Variants in PLD5 observed in about 807,000 individuals in gnomAD.
PLD5 encodes the protein inactive phospholipase D5.
In PLD5, 36 loss-of-function variants were observed where a neutral mutation model predicts 61.1. The ratio of observed to expected loss-of-function variants is 0.59; its 90% CI spans 0.45 to 0.78. The LOEUF is 0.78. Among genes scored for constraint, PLD5 ranks in the 30% least tolerant of loss-of-function variants. The probability of loss-of-function intolerance (pLI) is 0.00; values close to 1 mark genes in which losing one functional copy is unlikely to be tolerated. For missense variants in PLD5, 515 were observed against 644.4 expected, an observed-to-expected ratio of 0.80 and a Z score of 2.17; for synonymous variants, 243 against 242.8, an observed-to-expected ratio of 1.00 and a Z score of -0.01.
chr1:242,502,617 A>G (rs1192195937), intron 1 of PLD5, among the ~76,000 whole-genome samples: 1 of 152,122 alleles, frequency 6.6e-6, no homozygotes, highest in Non-Finnish European at 1.5e-5. Flanking sequence ...ATTACATAAT[A>G]TTTACATGTT....
intron 1 of PLD5, among the ~76,000 whole-genome samples, chr1:242,403,981 T>C (rs1004769784): frequency 4.6e-5 from 7 of 152,172 alleles, no homozygotes; most frequent in Admixed American, 2.0e-4. Flanking sequence ...TCACTTGGCT[T>C]CGGAAAAAAT....
intron 3 of PLD5, among the ~76,000 whole-genome samples, chr1:242,281,805 C>G (rs1674734970): frequency 6.6e-6 from 1 of 152,142 alleles, no homozygotes. Context: ...AGCTGCTTCT[C>G]AACGGGTGTG....
intron 5 of PLD5, among the ~76,000 whole-genome samples, chr1:242,208,033 T>C (rs557932922): frequency 2.6e-4 from 33 of 125,066 alleles, no homozygotes; most frequent in African/African-American, 9.0e-4. Context: ...CATACATATA[T>C]GTATTTGAGA....
intron 4 of PLD5, among the ~76,000 whole-genome samples, chr1:242,231,645 C>T (rs564794592): frequency 1.3e-5 from 2 of 152,140 alleles, no homozygotes; most frequent in African/African-American, 4.8e-5. Context: ...AAGAATTCTT[C>T]GGGACATTTA....
chr1:242,251,654 G>C (rs568198277), intron 4 of PLD5, among the ~76,000 whole-genome samples: 3 of 152,266 alleles, frequency 2.0e-5, no homozygotes, highest in African/African-American at 7.2e-5. Flanking sequence ...GGGAACACCT[G>C]CCAGAGGGGA....
chr1:242,466,534 C>T lies in PLD5; in HGVS notation c.189+57554G>A, dbSNP rs570674889. ...TTGCAACAACATGGATGAACCTGTACGACATTAAGCTAAGTGAAAGAAGCC... is the reference window on the plus strand; with the variant it reads ...TTGCAACAACATGGATGAACCTGTATGACATTAAGCTAAGTGAAAGAAGCC... On this transcript the variant is annotated intron_variant, in intron 1 of 9. Transcript: ENST00000536534. Among the ~76,000 whole-genome samples, 8 of 152,160 alleles carry T rather than the reference C, an allele frequency of 5.3e-5. No homozygotes were observed. In the South Asian group the frequency reaches 6.2e-4, roughly 12 times the overall value.
intron 1 of PLD5, among the ~76,000 whole-genome samples, chr1:242,442,421 G>A (rs889914723): frequency 3.9e-5 from 6 of 152,064 alleles, no homozygotes; most frequent in East Asian, 1.9e-4. Flanking sequence ...TATCCATGGC[G>A]GCACTGTTAC....
intron 2 of PLD5, among the ~76,000 whole-genome samples, chr1:242,317,960 A>G (rs2149182442): frequency 6.6e-6 from 1 of 152,164 alleles, no homozygotes; most frequent in East Asian, 1.9e-4. Flanking sequence ...TGTTCATGGG[A>G]CTGCAGTTCT....
At chr1:242,174,202 GA>G in intron 5 of PLD5, among the ~76,000 whole-genome samples, 1 of 138,764 alleles carries the variant, frequency 7.2e-6, no homozygotes, top group Admixed American at 7.2e-5. Context: ...AAATTTACAA[GA>G]AAAAAACAAA....
At chr1:242,115,632 TA>T (rs1661884865) in intron 6 of PLD5, among the ~76,000 whole-genome samples, 1 of 148,186 alleles carries the variant, frequency 6.7e-6, no homozygotes, top group Non-Finnish European at 1.5e-5. Flanking sequence ...GATGTGGGCA[TA>T]AAAATGTTTC....
chr1:242,491,103 C>CT (rs1172475308), intron 1 of PLD5, among the ~76,000 whole-genome samples: 1 of 152,176 alleles, frequency 6.6e-6, no homozygotes, highest in Non-Finnish European at 1.5e-5. Context: ...ATTCCCACTG[C>CT]TAATCTTGTA....
At chr1:242,486,708 T>G (rs200133535) in intron 1 of PLD5, among the ~76,000 whole-genome samples, 6,465 of 152,112 alleles carry the variant, frequency 0.043, 187 homozygotes, top group Middle Eastern at 0.061. Flanking sequence ...ATCCCATTAC[T>G]GGGTATATAC....
intron 1 of PLD5, among the ~76,000 whole-genome samples, chr1:242,515,828 T>C (rs1350375170): frequency 1.3e-5 from 2 of 152,214 alleles, no homozygotes; most frequent in Non-Finnish European, 2.9e-5. Context: ...TTAAATTTTA[T>C]AGGTCAAAAT....
intron 9 of PLD5, among the ~76,000 whole-genome samples, chr1:242,098,984 C>G (rs1318713546): frequency 6.6e-6 from 1 of 152,148 alleles, no homozygotes; most frequent in East Asian, 1.9e-4. Flanking sequence ...GGGGTGCCTC[C>G]CAGTTAGGCT....
chr1:242,247,459 A>AT (rs1672457286), intron 4 of PLD5, among the ~76,000 whole-genome samples: 1 of 152,164 alleles, frequency 6.6e-6, no homozygotes, highest in Non-Finnish European at 1.5e-5. Flanking sequence ...ATTTAATGAG[A>AT]TTTTATGGTT....
rs191234178 is a variant in PLD5 at position 242,399,002 on chromosome 1, G to A, written c.190-50760C>T. 4.6e-3 allele frequency among the ~76,000 whole-genome samples: 706 copies of A among 152,280 alleles called. 6 individuals are homozygous for A. The highest frequency in any genetic ancestry group is 7.6e-3 in the Admixed American group (116 of 15,298). On this transcript the variant is annotated intron_variant, in intron 1 of 9. Coordinates refer to ENST00000536534, the MANE Select transcript of PLD5 (RefSeq NM_001372062.1). ...TCCAAGGAAGATGACACCATTGGGG[G>A]AAGCTGTAAAAAGGGCCACATGAGT...
rs78563377 is a variant in PLD5 at position 242,385,089 on chromosome 1, G to A, written c.190-36847C>T. Among the ~76,000 whole-genome samples the A allele has an allele frequency of 2.0e-3, 305 of 152,164 alleles. 1 individual carries two copies. The highest frequency in any genetic ancestry group is 0.014 in the Middle Eastern group (4 of 294). Reference sequence around the variant, plus strand: ...CAGTTTAAAATCACCAACCAAATTCGGGACACTTTGAGTAGCAAAAGGAAT... The same window carrying A: ...CAGTTTAAAATCACCAACCAAATTCAGGACACTTTGAGTAGCAAAAGGAAT... On this transcript the variant is annotated intron_variant, in intron 1 of 9. Transcript: ENST00000536534.
chr1:242,292,651 T>C (rs1310776777), intron 2 of PLD5, among the ~76,000 whole-genome samples: 1 of 152,182 alleles, frequency 6.6e-6, no homozygotes, highest in African/African-American at 2.4e-5. Context: ...AACTAAAATG[T>C]AAATTTCCCT....
intron 5 of PLD5, among the ~76,000 whole-genome samples, chr1:242,163,005 A>G (rs1041520429): frequency 2.6e-5 from 4 of 152,170 alleles, no homozygotes; most frequent in African/African-American, 9.7e-5. Flanking sequence ...GTTCATACTA[A>G]TATCTACAGG....
Sources: allele counts gnomAD v4.1 joint callset (sites outside exome capture counted in the v4.1 genomes callset), GRCh38; gene constraint gnomAD v4.1.1; transcripts MANE v1.5; gene names NCBI Gene and HGNC (gene_info 2026-07-23, HGNC 2026-07-21).